Variants in FGGY observed in about 807,000 individuals in gnomAD.
The protein encoded by FGGY is FGGY carbohydrate kinase domain-containing protein.
In FGGY, 72 loss-of-function variants were observed where a neutral mutation model predicts 71.3. The ratio of observed to expected loss-of-function variants is 1.01; its 90% CI spans 0.84 to 1.23. FGGY has a LOEUF of 1.23. FGGY is among the 50% of genes most tolerant of loss of function. FGGY has a pLI of 0.00. For synonymous variants in FGGY, 251 were observed against 250.3 expected (o/e 1.00, Z -0.02); for missense variants, 668 against 682.3 (o/e 0.98, Z 0.23).
At chr1:59,412,287 C>T (rs1473182877) in intron 5 of FGGY, among the ~76,000 whole-genome samples, 1 of 152,148 alleles carries the variant, frequency 6.6e-6, no homozygotes, top group Non-Finnish European at 1.5e-5. Context: ...ACATGTACAA[C>T]CTGGATAGAG....
chr1:59,313,242 C>G (rs942050752), intron 1 of FGGY, among the ~76,000 whole-genome samples: 1 of 152,138 alleles, frequency 6.6e-6, no homozygotes, highest in Non-Finnish European at 1.5e-5. Flanking sequence ...TCCCAAAGGT[C>G]CCACTTTTTA....
At chr1:59,658,223 C>T (rs2097240090) in intron 11 of FGGY, among the ~76,000 whole-genome samples, 1 of 152,122 alleles carries the variant, frequency 6.6e-6, no homozygotes, top group Non-Finnish European at 1.5e-5. Context: ...ACATTATTTC[C>T]TCACTGTGAA....
At chr1:59,305,950 T>C (rs2153085153) in intron 1 of FGGY, among the ~76,000 whole-genome samples, 1 of 152,348 alleles carries the variant, frequency 6.6e-6, no homozygotes, top group Non-Finnish European at 1.5e-5. Context: ...CTTTCAGCTC[T>C]GTCTCCTCAA....
intron 8 of FGGY, among the ~76,000 whole-genome samples, chr1:59,577,212 G>T (rs1003995122): frequency 6.6e-6 from 1 of 152,158 alleles, no homozygotes; most frequent in South Asian, 2.1e-4. Context: ...GCATTCTGCT[G>T]CCAGTTGATA....
chr1:59,481,896 G>T (rs546124280), intron 6 of FGGY, among the ~76,000 whole-genome samples: 1 of 152,202 alleles, frequency 6.6e-6, no homozygotes, highest in South Asian at 2.1e-4. Context: ...TATGTATTTG[G>T]ATCTATTTCA....
At chr1:59,378,222 G>GT (rs2058912855) in intron 4 of FGGY, among the ~76,000 whole-genome samples, 1 of 152,178 alleles carries the variant, frequency 6.6e-6, no homozygotes, top group Non-Finnish European at 1.5e-5. Context: ...ATTCTCTCAT[G>GT]TTGTGGGAGG....
At chr1:59,400,097 A>G (rs1028822843) in intron 5 of FGGY, among the ~76,000 whole-genome samples, 1 of 152,222 alleles carries the variant, frequency 6.6e-6, no homozygotes, top group Non-Finnish European at 1.5e-5. Context: ...TTTTGGTACC[A>G]GAAACAGCAA....
At chr1:59,599,661 T>C (rs919719247) in intron 8 of FGGY, among the ~76,000 whole-genome samples, 4 of 145,776 alleles carry the variant, frequency 2.7e-5, no homozygotes, top group Admixed American at 7.0e-5. Flanking sequence ...GCCACTTCAC[T>C]TCAGCTGGGG....
chr1:59,378,900 T>G (rs2059011150), intron 5 of FGGY, 63 bp downstream of exon 5: 2 of 1,376,032 alleles, frequency 1.5e-6, no homozygotes, highest in African/African-American at 2.9e-5. Context: ...TGTCTATATA[T>G]TGCTTTCTTA....
At position 59,424,302 on chromosome 1, in the gene FGGY, A is replaced by T. The variant is rs142074958; in HGVS notation, c.555-32659A>T. On this transcript the variant is annotated intron_variant, in intron 5 of 15. Transcript: ENST00000303721. ...TGTGGCTCACGCCTGTAATCCCAGC[A>T]CTCTGGGAGGCCGAGGCAGGCGAAT... is the stretch of plus-strand genomic sequence containing the variant. Among the ~76,000 whole-genome samples the T allele has an allele frequency of 8.8e-3, 1,343 of 152,182 alleles. 23 individuals are homozygous for T. Among genetic ancestry groups the T allele is most frequent in the African/African-American group, 0.031 (1,273 of 41,518 alleles).
Position 59,479,604 on chromosome 1 carries a change from G to A in FGGY, c.670+22528G>A, listed in dbSNP as rs146907192. 3.9e-3 allele frequency among the ~76,000 whole-genome samples: 587 copies of A among 152,260 alleles called. 7 individuals are homozygous for A. Among genetic ancestry groups the A allele is most frequent in the African/African-American group, 0.014 (562 of 41,550 alleles). On this transcript the variant is annotated intron_variant, in intron 6 of 15. Transcript: ENST00000303721. ...AAGTTAAGGGATTTCCCTTCATGAGGCTTCTGTTTTCTTTGTGAAGTAAAA... is the reference window on the plus strand; with the variant it reads ...AAGTTAAGGGATTTCCCTTCATGAGACTTCTGTTTTCTTTGTGAAGTAAAA...
At chr1:59,302,089 G>GT (rs911477358) in intron 1 of FGGY, among the ~76,000 whole-genome samples, 85 of 150,456 alleles carry the variant, frequency 5.6e-4, no homozygotes, top group African/African-American at 1.7e-3. Context: ...ACATTTATTG[G>GT]TTTTTTTTTC....
intron 8 of FGGY, among the ~76,000 whole-genome samples, chr1:59,568,547 A>G (rs1327480856): frequency 6.6e-6 from 1 of 152,130 alleles, no homozygotes; most frequent in Non-Finnish European, 1.5e-5. Context: ...AGAGCTAGGA[A>G]GAGGTAGAGC....
chr1:59,552,939 T>C (rs1190578151), intron 7 of FGGY, among the ~76,000 whole-genome samples: 2 of 152,194 alleles, frequency 1.3e-5, no homozygotes, highest in African/African-American at 4.8e-5. Context: ...ATGGGATATA[T>C]GATGTTTTAA....
At chr1:59,373,719 A>G (rs1463660529) in intron 4 of FGGY, among the ~76,000 whole-genome samples, 2 of 152,282 alleles carry the variant, frequency 1.3e-5, no homozygotes, top group East Asian at 1.9e-4. Context: ...ATATAGATCA[A>G]TGGAACAGAA....
At chr1:59,352,053 G>T (rs1359271721) in intron 4 of FGGY, among the ~76,000 whole-genome samples, 2 of 152,308 alleles carry the variant, frequency 1.3e-5, no homozygotes, top group Non-Finnish European at 2.9e-5. Context: ...AGAATTGTCA[G>T]ATGAAAGGAA....
At chr1:59,614,117 G>A (rs1001718252) in intron 9 of FGGY, among the ~76,000 whole-genome samples, 170 of 152,180 alleles carry the variant, frequency 1.1e-3, no homozygotes, top group African/African-American at 4.0e-3. Flanking sequence ...CAATCAATAG[G>A]AAAAGAGGGA....
At chr1:59,391,523 T>C (rs1376667825) in intron 5 of FGGY, among the ~76,000 whole-genome samples, 4 of 152,194 alleles carry the variant, frequency 2.6e-5, no homozygotes, top group Non-Finnish European at 5.9e-5. Flanking sequence ...GGTTGCTTCT[T>C]TCTCTTTTCA....
At chr1:59,623,411 T>G (rs890240362) in intron 9 of FGGY, among the ~76,000 whole-genome samples, 1 of 152,194 alleles carries the variant, frequency 6.6e-6, no homozygotes, top group Non-Finnish European at 1.5e-5. Flanking sequence ...GACCAATGTA[T>G]GCACAACACA....
Sources: allele counts gnomAD v4.1 joint callset (sites outside exome capture counted in the v4.1 genomes callset), GRCh38; gene constraint gnomAD v4.1.1; transcripts MANE v1.5; gene names NCBI Gene and HGNC (gene_info 2026-07-23, HGNC 2026-07-21).